ZNF699: variants seen among roughly 807,000 people sequenced by gnomAD.
ZNF699 encodes the protein hangover homolog.
ZNF699 carries 18 observed loss-of-function variants against 22.5 expected under a neutral mutation model. The ratio of observed to expected loss-of-function variants is 0.80; its 90% CI spans 0.55 to 1.19. The LOEUF (loss-of-function observed/expected upper bound fraction) is 1.19, where lower values mean the gene tolerates loss of function less well. Ranked by LOEUF, ZNF699 falls within the 50% of genes most tolerant of loss-of-function variation. The pLI is 0.00. For missense variants in ZNF699, 670 were observed against 763.4 expected (o/e 0.88, Z 1.44); for synonymous variants, 241 against 262.3 (o/e 0.92, Z 0.78).
In ZNF699 at chr19:9,295,909, C is replaced by T. The variant is rs199976435; in HGVS notation, c.1495G>A (p.Gly499Arg). Residue 499 changes from glycine to arginine, a missense_variant, in exon 6 of 6, where the codon GGA becomes AGA. Physicochemically the swap from Gly to Arg is moderately radical, Grantham distance 125. Transcript: ENST00000591998. ...TCTTTACATTCATACGGCTTCTCTC[C>T]GCTGTGAGTTCTTAGGTGTTCGGTG... ...SLTEHLRTHS[G>R]EKPYECKECG... is the part of the protein sequence containing the mutation. 5.1e-5 allele frequency: 83 copies of T among 1,613,912 alleles called. No individual in the cohort carries two copies. Among genetic ancestry groups the T allele is most frequent in the Admixed American group, 8.3e-5 (5 of 59,974 alleles).
At position 9,296,452 on chromosome 19, in the gene ZNF699, A is replaced by G. The variant is rs772616753; in HGVS notation, c.952T>C (p.Cys318Arg). The change falls in exon 6 of 6, where the codon TGT becomes CGT. Residue 318 changes from cysteine (C) to arginine (R), a missense_variant. Coordinates refer to ENST00000591998, the MANE Select transcript of ZNF699 (RefSeq NM_198535.3). ...TTGTGTTTGGAGAGTGAGGAGGAAC[A>G]ACTGAAGGCCTTCCCACATTCCTTA... ...ECKECGKAFS[C>R]SSSLSKHKRI... 1 of 1,613,722 alleles carries G rather than the reference A, an allele frequency of 6.2e-7. No homozygotes were observed. The highest frequency in any genetic ancestry group is 8.5e-7 in the Non-Finnish European group (1 of 1,179,904).
In ZNF699 at chr19:9,304,697, G is replaced by A. The variant is rs143658344; in HGVS notation, c.48+375C>T. ...TCCCAGCACTTTGGGAGGCCAAGGC[G>A]GACAGATCACGAGGTCAGGAGATTG... On this transcript the variant is annotated intron_variant, in intron 2 of 5. Transcript: ENST00000591998. 5.9e-3 allele frequency among the ~76,000 whole-genome samples: 900 copies of A among 152,214 alleles called. 10 individuals are homozygous for A. Among genetic ancestry groups the A allele is most frequent in the African/African-American group, 0.02 (832 of 41,534 alleles).
At chr19:9,306,877 G>A (rs2066329484) in intron 1 of ZNF699, among the ~76,000 whole-genome samples, 1 of 152,216 alleles carries the variant, frequency 6.6e-6, no homozygotes, top group African/African-American at 2.4e-5. Context: ...ACCCTATTGG[G>A]CACTACAGAG....
In ZNF699 at chr19:9,293,321, A is replaced by AC. The variant is rs2066273011; in HGVS notation, c.*2153_*2154insG. Among the ~76,000 whole-genome samples the AC allele has an allele frequency of 6.6e-6, 1 of 152,172 alleles. No individual in the cohort carries two copies. Among genetic ancestry groups the AC allele is most frequent in the African/African-American group, 2.4e-5 (1 of 41,434 alleles). On this transcript the variant is annotated 3_prime_UTR_variant, in exon 6 of 6. Coordinates refer to ENST00000591998, the MANE Select transcript of ZNF699 (RefSeq NM_198535.3). ...CTGGACAGGTGTGTGAAACAACTGG[A>AC]ACTTTCATGCATTGTTTTGGGGATT...
chr19:9,305,264 CAT>C (rs201706934), intron 1 of ZNF699, 140 bp from the exon 2 acceptor site: 124 of 624,444 alleles, frequency 2.0e-4, no homozygotes, highest in South Asian at 1.1e-4. Flanking sequence ...CCTCAAAACA[CAT>C]ACACACACAC....
At position 9,296,188 on chromosome 19, in the gene ZNF699, A is replaced by C; in HGVS notation, c.1216T>G (p.Leu406Val). Residue 406 changes from leucine (L) to valine (V), a missense_variant, in exon 6 of 6, where the codon TTA becomes GTA. Coordinates refer to ENST00000591998, the MANE Select transcript of ZNF699 (RefSeq NM_198535.3). ...GTGTGTTTTCTCATATGGATACTTAAGGAGGAGGGACAATTGTAGGCTTTC... is the reference window on the plus strand; with the variant it reads ...GTGTGTTTTCTCATATGGATACTTACGGAGGAGGGACAATTGTAGGCTTTC... ...CGKAYNCPSS[L>V]SIHMRKHTGE... is the part of the protein sequence containing the mutation. The C allele has an allele frequency of 6.2e-7, 1 of 1,613,130 alleles. No homozygotes were observed. Among genetic ancestry groups the C allele is most frequent in the South Asian group, 1.1e-5 (1 of 90,990 alleles).
chr19:9,296,798 C>T lies in ZNF699; in HGVS notation c.606G>A (p.Lys202=). The change falls in exon 6 of 6, where the codon AAG becomes AAA. Residue 202 remains lysine, a synonymous_variant. Transcript: ENST00000591998. ...TAAGGGATGAATGATCCACGAAGGCCTTTCCACACTCATGGCATTCACAGG... is the reference window on the plus strand; with the variant it reads ...TAAGGGATGAATGATCCACGAAGGCTTTTCCACACTCATGGCATTCACAGG... The part of the protein sequence containing the change: ...VKSCECHECG[K]AFVDHSSLKS... 1 of 1,614,168 alleles carries T rather than the reference C, an allele frequency of 6.2e-7. No homozygotes were observed. Among genetic ancestry groups the T allele is most frequent in the Non-Finnish European group, 8.5e-7 (1 of 1,180,028 alleles).
In ZNF699 at chr19:9,293,202, T is replaced by C. The variant is rs1341285728; in HGVS notation, c.*2273A>G. ...CAGGTGCCCTCAAAAAAAAAAAAAA[T>C]CCAAATAGCCAATAAGCACATCGAA... On this transcript the variant is annotated 3_prime_UTR_variant, in exon 6 of 6. Transcript: ENST00000591998. 1.6e-5 allele frequency among the ~76,000 whole-genome samples: 2 copies of C among 124,732 alleles called. No individual in the cohort carries two copies. The highest frequency in any genetic ancestry group is 3.4e-5 in the Non-Finnish European group (2 of 58,164). The allele number at this position is 124,732 out of a possible 152,430, so 81.8% of individuals were successfully genotyped here.
rs1465683449 is a variant in ZNF699 at position 9,305,260 on chromosome 19, A to AACACACACACACACACACACAC, written c.-5-137_-5-136insGTGTGTGTGTGTGTGTGTGTGT. On this transcript the variant is annotated intron_variant, in intron 1 of 5. Coordinates refer to ENST00000591998, the MANE Select transcript of ZNF699 (RefSeq NM_198535.3). ...AATTATAAGTAACAACTCCCCTCAA[A>AACACACACACACACACACACAC]ACACATACACACACACACACACACA... 1.1e-3 allele frequency: 699 copies of AACACACACACACACACACACAC among 650,944 alleles called. 4 individuals are homozygous for AACACACACACACACACACACAC. The African/African-American group carries it at 0.012, about 11-fold the overall frequency. The allele number at this position is 650,944 out of a possible 1,614,324, so 40.3% of individuals were successfully genotyped here.
At chr19:9,306,454 A>G (rs953719258) in intron 1 of ZNF699, among the ~76,000 whole-genome samples, 1 of 152,112 alleles carries the variant, frequency 6.6e-6, no homozygotes, top group Admixed American at 6.5e-5. Flanking sequence ...CTGTTTCACA[A>G]ATTTCAAACA....
intron 2 of ZNF699, among the ~76,000 whole-genome samples, chr19:9,304,639 C>T (rs905726631): frequency 6.6e-6 from 1 of 152,134 alleles, no homozygotes; most frequent in East Asian, 1.9e-4. Context: ...AGAAACACTA[C>T]GGCCGGCCGG....
At chr19:9,304,056 G>C (rs948001313) in intron 2 of ZNF699, among the ~76,000 whole-genome samples, 3 of 151,942 alleles carry the variant, frequency 2.0e-5, no homozygotes, top group African/African-American at 7.3e-5. Context: ...CCTGACCTCA[G>C]GCAGTCTGCC....
At position 9,292,222 on chromosome 19, in the gene ZNF699, CTA is replaced by C. The variant is rs1491200366; in HGVS notation, c.*3251_*3252del. Among the ~76,000 whole-genome samples, 104 of 152,266 alleles carry C rather than the reference CTA, an allele frequency of 6.8e-4. No homozygotes were observed. Among genetic ancestry groups the C allele is most frequent in the African/African-American group, 2.4e-3 (100 of 41,536 alleles). On this transcript the variant is annotated 3_prime_UTR_variant, in exon 6 of 6. Transcript: ENST00000591998. ...CATATGCCCCAAAACTGCCAGGACT[CTA>C]TGATTCAGTCAGTGCAGACTCTAAT...
At position 9,295,279 on chromosome 19, in the gene ZNF699, T is replaced by G. The variant is rs79031595; in HGVS notation, c.*196A>C. 3.8e-3 allele frequency: 2,283 copies of G among 602,718 alleles called. 40 individuals are homozygous for G. Among genetic ancestry groups the G allele is most frequent in the African/African-American group, 0.037 (1,999 of 54,020 alleles). 37.3% of individuals were successfully genotyped at this position (602,718 alleles called of 1,614,324 possible). ...TTCATTTCTAGTAGAGATTTTCTTA[T>G]ACATAATAAGCAATGTTCATAAAGG... On this transcript the variant is annotated 3_prime_UTR_variant, in exon 6 of 6. Coordinates refer to ENST00000591998, the MANE Select transcript of ZNF699 (RefSeq NM_198535.3).
chr19:9,297,424 T>A lies in ZNF699; in HGVS notation c.342A>T (p.Gly114=). ...NESVASQDIC[G]EKISNEQKIV... Reference sequence around the variant, plus strand: ...TTTTCTGTTCATTGGATATTTTTTCTCCACAAATATCTTGTGAAGCAACTG... The same window carrying A: ...TTTTCTGTTCATTGGATATTTTTTCACCACAAATATCTTGTGAAGCAACTG... Residue 114 remains glycine, a synonymous_variant, in exon 5 of 6, where the codon GGA becomes GGT. Transcript: ENST00000591998. The surrounding 1 kb of genome is among the most constrained non-coding windows in gnomAD (Gnocchi z 4.3). The A allele has an allele frequency of 6.3e-7, 1 of 1,596,708 alleles. No individual in the cohort carries two copies. Among genetic ancestry groups the A allele is most frequent in the Non-Finnish European group, 8.5e-7 (1 of 1,176,540 alleles).
At chr19:9,299,359 C>A (rs1439429303) in intron 3 of ZNF699, among the ~76,000 whole-genome samples, 1 of 152,214 alleles carries the variant, frequency 6.6e-6, no homozygotes, top group African/African-American at 2.4e-5. Context: ...TGGTCTCGAT[C>A]TCCTGACCTC....
chr19:9,299,430 G>C (rs2066299130), intron 3 of ZNF699, among the ~76,000 whole-genome samples: 1 of 152,070 alleles, frequency 6.6e-6, no homozygotes, highest in African/African-American at 2.4e-5. Context: ...CACCATGCCT[G>C]GCCTGACATT....
At chr19:9,299,820 A>G (rs1180764661) in intron 3 of ZNF699, among the ~76,000 whole-genome samples, 2 of 152,074 alleles carry the variant, frequency 1.3e-5, no homozygotes, top group Non-Finnish European at 1.5e-5. Flanking sequence ...CATACAGAAA[A>G]AAACAAACAA....
chr19:9,296,803 C>G lies in ZNF699; in HGVS notation c.601G>C (p.Gly201Arg). The G allele has an allele frequency of 6.2e-7, 1 of 1,614,146 alleles. No individual in the cohort carries two copies. The highest frequency in any genetic ancestry group is 8.5e-7 in the Non-Finnish European group (1 of 1,180,016). Residue 201 changes from glycine to arginine, a missense_variant, in exon 6 of 6, where the codon GGA becomes CGA. Coordinates refer to ENST00000591998, the MANE Select transcript of ZNF699 (RefSeq NM_198535.3). The stretch of plus-strand genomic sequence containing the variant: ...GATGAATGATCCACGAAGGCCTTTC[C>G]ACACTCATGGCATTCACAGGATTTT... ...EVKSCECHEC[G>R]KAFVDHSSLK...
Sources: gnomAD v4.1 joint callset for allele counts (sites outside exome capture counted in the v4.1 genomes callset) on GRCh38, gnomAD v4.1.1 for gene constraint, Gnocchi (gnomAD v3.1) non-coding constraint, MANE v1.5 for transcripts, NCBI Gene and HGNC (gene_info 2026-07-23, HGNC 2026-07-21) for gene names.